Variants in UBE4B observed in about 807,000 individuals in gnomAD.
UBE4B encodes ubiquitination factor E4B, also known as ubiquitin conjugation factor E4 B.
Under a neutral mutation model 148.1 loss-of-function variants are expected in UBE4B, and 27 were observed. The observed-to-expected ratio is 0.18, with a 90% confidence interval of 0.13 to 0.25. The LOEUF (loss-of-function observed/expected upper bound fraction) is 0.25, where lower values mean the gene tolerates loss of function less well. UBE4B is among the 10% of genes least tolerant of loss of function. The pLI is 1.00. For synonymous variants in UBE4B, 596 were observed against 619.3 expected (o/e 0.96, Z 0.56); for missense variants, 1,170 against 1,662.4 (o/e 0.70, Z 5.15).
At chr1:10,137,836 T>A (rs1461633363) in intron 17 of UBE4B, among the ~76,000 whole-genome samples, 1 of 151,800 alleles carries the variant, frequency 6.6e-6, no homozygotes, top group African/African-American at 2.4e-5. Context: ...TGCTTTTTGG[T>A]CTAGAACCTG....
intron 22 of UBE4B, among the ~76,000 whole-genome samples, chr1:10,159,495 A>G (rs535858899): frequency 3.7e-4 from 56 of 152,242 alleles, no homozygotes; most frequent in African/African-American, 1.2e-3. Context: ...ACATGGTGAA[A>G]CCCCGTCTCT....
chr1:10,055,431 T>C (rs1162770704), intron 1 of UBE4B, among the ~76,000 whole-genome samples: 1 of 152,028 alleles, frequency 6.6e-6, no homozygotes, highest in East Asian at 1.9e-4. Context: ...CCTCCTGTCT[T>C]AGCCTCCTGA....
chr1:10,145,127 T>C, intron 18 of UBE4B, 88 bp downstream of exon 18: 1 of 972,200 alleles, frequency 1.0e-6, no homozygotes, highest in Non-Finnish European at 1.6e-6. Context: ...AGCAGTTTAG[T>C]GTCCTCACTT....
Position 10,119,629 on chromosome 1 carries a change from A to G in UBE4B, c.1439+16A>G. On this transcript the variant is annotated intron_variant, in intron 9 of 27. Coordinates refer to ENST00000343090, the MANE Select transcript of UBE4B (RefSeq NM_001105562.3). ...CACAGCCCAGGTATGAAGACCCGTG[A>G]CGTGCTTGACATTAGCAGGCAGAGA... 1 of 1,608,514 alleles carries G rather than the reference A, an allele frequency of 6.2e-7. No homozygotes were observed. Among genetic ancestry groups the G allele is most frequent in the Non-Finnish European group, 8.5e-7 (1 of 1,175,962 alleles).
intron 1 of UBE4B, among the ~76,000 whole-genome samples, chr1:10,062,160 G>A (rs916064324): frequency 2.6e-5 from 4 of 151,580 alleles, no homozygotes; most frequent in East Asian, 3.9e-4. Context: ...CACCCACCTC[G>A]GCCTCCCAAA....
Position 10,106,185 on chromosome 1 carries a change from C to G in UBE4B, c.810-12C>G. The stretch of plus-strand genomic sequence containing the variant: ...TTTTTCTCTTCTTTCCTCCCTTTCT[C>G]AACTAATTTAGCCTCTATGAAAGTA... On this transcript the variant is annotated splice_polypyrimidine_tract_variant and intron_variant, in intron 6 of 27. Coordinates refer to ENST00000343090, the MANE Select transcript of UBE4B (RefSeq NM_001105562.3). The surrounding 1 kb of genome is among the most constrained non-coding windows in gnomAD (Gnocchi z 4.2). 1 of 1,550,468 alleles carries G rather than the reference C, an allele frequency of 6.4e-7. No individual in the cohort carries two copies. Among genetic ancestry groups the G allele is most frequent in the South Asian group, 1.2e-5 (1 of 83,568 alleles).
intron 25 of UBE4B, among the ~76,000 whole-genome samples, chr1:10,174,624 C>T (rs907986755): frequency 6.6e-6 from 1 of 150,944 alleles, no homozygotes; most frequent in Admixed American, 6.6e-5. Flanking sequence ...ATCGCTTGAA[C>T]CTGGGAGGTG....
chr1:10,169,844 G>C (rs774178126), intron 24 of UBE4B, among the ~76,000 whole-genome samples: 10 of 152,054 alleles, frequency 6.6e-5, no homozygotes, highest in African/African-American at 2.2e-4. Context: ...GCGAAACCCC[G>C]TCTCTACTAA....
chr1:10,040,215 C>A (rs900813338), intron 1 of UBE4B, among the ~76,000 whole-genome samples: 8 of 151,798 alleles, frequency 5.3e-5, no homozygotes, highest in Non-Finnish European at 1.2e-4. Context: ...ACCTCTGCCC[C>A]CTGGGTTCAA....
chr1:10,129,567 G>A (rs903004296), intron 12 of UBE4B, 119 bp downstream of exon 12: 4 of 947,010 alleles, frequency 4.2e-6, no homozygotes, highest in East Asian at 5.0e-5. Context: ...TGTAGGCGGA[G>A]GTAACGTGTC....
chr1:10,126,127 C>T (rs137970595), intron 10 of UBE4B, among the ~76,000 whole-genome samples: 2,733 of 152,166 alleles, frequency 0.018, 35 homozygotes, highest in Non-Finnish European at 0.027. Context: ...AGTGAAACCC[C>T]GTCTCTACTA....
At chr1:10,163,854 C>T (rs1349233385) in intron 23 of UBE4B, among the ~76,000 whole-genome samples, 1 of 150,796 alleles carries the variant, frequency 6.6e-6, no homozygotes, top group Non-Finnish European at 1.5e-5. Context: ...TCAATTTATG[C>T]CTGCTGGGAT....
At chr1:10,160,345 C>T (rs904933501) in intron 22 of UBE4B, among the ~76,000 whole-genome samples, 4 of 152,102 alleles carry the variant, frequency 2.6e-5, no homozygotes, top group Admixed American at 1.3e-4. Context: ...TAATTATTTG[C>T]ATTTTCTTGG....
intron 10 of UBE4B, among the ~76,000 whole-genome samples, chr1:10,122,629 T>C (rs1184646743): frequency 6.6e-6 from 1 of 152,218 alleles, no homozygotes; most frequent in Non-Finnish European, 1.5e-5. Flanking sequence ...ATGTAGTGCT[T>C]AAAAATAAAG....
intron 2 of UBE4B, among the ~76,000 whole-genome samples, chr1:10,082,572 T>C (rs1644699397): frequency 6.6e-6 from 1 of 151,736 alleles, no homozygotes; most frequent in Admixed American, 6.6e-5. Context: ...GAGCAGTATG[T>C]TGGCATAAGT....
chr1:10,111,927 A>G (rs551569026), intron 7 of UBE4B, among the ~76,000 whole-genome samples: 1 of 152,136 alleles, frequency 6.6e-6, no homozygotes, highest in South Asian at 2.1e-4. Context: ...ACTGCACTCC[A>G]GCCTGGGCAA....
chr1:10,068,815 A>C (rs1644434940), intron 1 of UBE4B, among the ~76,000 whole-genome samples: 1 of 152,174 alleles, frequency 6.6e-6, no homozygotes, highest in African/African-American at 2.4e-5. Context: ...CCAGTGTAGA[A>C]GGCATTCAGA....
intron 2 of UBE4B, among the ~76,000 whole-genome samples, chr1:10,087,830 A>AATT (rs1450963425): frequency 6.6e-6 from 1 of 152,168 alleles, no homozygotes; most frequent in Non-Finnish European, 1.5e-5. Context: ...AAGGGGTGGG[A>AATT]ATTAAACTTC....
chr1:10,157,312 C>T (rs1339460758), intron 21 of UBE4B, among the ~76,000 whole-genome samples: 2 of 152,084 alleles, frequency 1.3e-5, no homozygotes, highest in South Asian at 4.1e-4. Context: ...AGAGCCACCA[C>T]GCTCAGCCAT....
Sources: allele counts gnomAD v4.1 joint callset (sites outside exome capture counted in the v4.1 genomes callset), GRCh38; gene constraint gnomAD v4.1.1; non-coding constraint Gnocchi (gnomAD v3.1); transcripts MANE v1.5; gene names NCBI Gene and HGNC (gene_info 2026-07-23, HGNC 2026-07-21).